ARID5B: variants seen among roughly 807,000 people sequenced by gnomAD.
ARID5B encodes the protein AT-rich interactive domain-containing protein 5B.
ARID5B carries 13 observed loss-of-function variants against 97.2 expected under a neutral mutation model. The observed-to-expected ratio is 0.13, with a 90% confidence interval of 0.09 to 0.21. The LOEUF is 0.21. Among genes scored for constraint, ARID5B ranks in the 10% least tolerant of loss-of-function variants. The probability of loss-of-function intolerance (pLI) is 1.00; values close to 1 mark genes in which losing one functional copy is unlikely to be tolerated. For synonymous variants in ARID5B, 556 were observed against 570.3 expected (o/e 0.97, Z 0.36); for missense variants, 1,210 against 1,465.3 (o/e 0.83, Z 2.84).
intron 4 of ARID5B, among the ~76,000 whole-genome samples, chr10:62,009,635 T>A (rs932098585): frequency 8.5e-5 from 13 of 152,216 alleles, no homozygotes; most frequent in Non-Finnish European, 1.5e-5. Context: ...GGCATGCTTT[T>A]CTGCTACAAA....
intron 8 of ARID5B, among the ~76,000 whole-genome samples, chr10:62,074,912 G>A (rs188260239): frequency 1.9e-4 from 29 of 152,350 alleles, no homozygotes; most frequent in African/African-American, 6.5e-4. Context: ...CATTATGTCT[G>A]TTGAAGCTAA....
intron 2 of ARID5B, among the ~76,000 whole-genome samples, chr10:61,909,209 C>T (rs997725938): frequency 2.0e-5 from 3 of 151,952 alleles, no homozygotes; most frequent in African/African-American, 2.4e-5. Context: ...TTTTCCTTTA[C>T]CTTGTCACCT....
At chr10:61,981,629 A>G (rs2132846179) in intron 3 of ARID5B, among the ~76,000 whole-genome samples, 1 of 152,148 alleles carries the variant, frequency 6.6e-6, no homozygotes, top group South Asian at 2.1e-4. Context: ...TAAATGTCAT[A>G]ATGACTGTGG....
At chr10:62,023,205 T>C (rs1839377950) in intron 4 of ARID5B, among the ~76,000 whole-genome samples, 1 of 152,232 alleles carries the variant, frequency 6.6e-6, no homozygotes. Flanking sequence ...GGTTAGCAAA[T>C]AGCTGAATGT....
chr10:61,985,013 C>G (rs372359773), intron 3 of ARID5B, among the ~76,000 whole-genome samples: 208 of 151,938 alleles, frequency 1.4e-3, no homozygotes, highest in South Asian at 2.3e-3. Context: ...TTAGGGCTGC[C>G]CAAAGGAGGA....
intron 4 of ARID5B, among the ~76,000 whole-genome samples, chr10:62,003,875 C>T (rs1266454548): frequency 2.0e-5 from 3 of 152,144 alleles, no homozygotes; most frequent in African/African-American, 4.8e-5. Flanking sequence ...ATGTTGTCCA[C>T]TGAATAACAA....
intron 2 of ARID5B, among the ~76,000 whole-genome samples, chr10:61,938,153 T>C (rs151218546): frequency 0.016 from 2,491 of 152,348 alleles, 26 homozygotes; most frequent in Non-Finnish European, 0.025. Flanking sequence ...AAGATGGGTT[T>C]ATTCATTAAT....
At chr10:62,062,783 A>G (rs1369998680) in intron 7 of ARID5B, among the ~76,000 whole-genome samples, 1 of 55,888 alleles carries the variant, frequency 1.8e-5, no homozygotes, top group Non-Finnish European at 4.0e-5. Context: ...TTTGTGCAAA[A>G]AAAAAAAAAA....
rs552893695 is a variant in ARID5B at position 62,073,968 on chromosome 10, T to A, written c.1199+4171T>A. Among the ~76,000 whole-genome samples the A allele has an allele frequency of 7.2e-5, 11 of 152,376 alleles. No homozygotes were observed. The South Asian group carries it at 2.3e-3, about 32-fold the overall frequency. On this transcript the variant is annotated intron_variant, in intron 8 of 9. Coordinates refer to ENST00000279873, the MANE Select transcript of ARID5B (RefSeq NM_032199.3). ...GTAAAGGAACAAAAAGGAAAACGAC[T>A]ACTTTTATGGAATTCTCTTAGCTTG...
chr10:61,997,960 G>A (rs985630314), intron 3 of ARID5B, among the ~76,000 whole-genome samples: 8 of 152,168 alleles, frequency 5.3e-5, no homozygotes, highest in African/African-American at 1.9e-4. Context: ...ACATATATCA[G>A]CATCTCAAAA....
At chr10:62,030,289 C>G (rs909707667) in intron 4 of ARID5B, among the ~76,000 whole-genome samples, 3 of 152,122 alleles carry the variant, frequency 2.0e-5, no homozygotes, top group East Asian at 3.9e-4. Flanking sequence ...GCTATCACGC[C>G]CAGCTAATTT....
At chr10:62,070,401 C>T (rs964104399) in intron 8 of ARID5B, among the ~76,000 whole-genome samples, 2 of 152,144 alleles carry the variant, frequency 1.3e-5, no homozygotes, top group Non-Finnish European at 2.9e-5. Flanking sequence ...GTGGATTTCC[C>T]GTTTGCATTA....
intron 3 of ARID5B, among the ~76,000 whole-genome samples, chr10:61,970,997 G>C (rs919353757): frequency 6.6e-5 from 10 of 151,134 alleles, no homozygotes; most frequent in Non-Finnish European, 1.5e-4. Flanking sequence ...GTGTGTATGT[G>C]TGTATAAAAC....
In ARID5B at chr10:62,092,247, C is replaced by T; in HGVS notation, c.2784C>T (p.Thr928=). 4.4e-6 allele frequency: 7 copies of T among 1,608,458 alleles called. No homozygotes were observed. Among genetic ancestry groups the T allele is most frequent in the Non-Finnish European group, 5.9e-6 (7 of 1,177,778 alleles). Residue 928 remains threonine, a synonymous_variant, in exon 10 of 10, where the codon ACC becomes ACT. Coordinates refer to ENST00000279873, the MANE Select transcript of ARID5B (RefSeq NM_032199.3). ...AGGTCCTGGGCCTGGCTCATTCCAC[C>T]ACAGGGCCCCAGGAGAGCAAAGGCA... ...TGKVLGLAHS[T]TGPQESKGIS...
chr10:61,925,720 C>G (rs577476679), intron 2 of ARID5B, among the ~76,000 whole-genome samples: 1 of 152,312 alleles, frequency 6.6e-6, no homozygotes, highest in Admixed American at 6.5e-5. Context: ...AGGACTTTCT[C>G]TGGAGATGGT....
At chr10:61,956,721 CTG>C (rs1838396189) in intron 3 of ARID5B, among the ~76,000 whole-genome samples, 1 of 152,176 alleles carries the variant, frequency 6.6e-6, no homozygotes, top group Non-Finnish European at 1.5e-5. Flanking sequence ...CACTCTCAAA[CTG>C]TAACTACATT....
chr10:61,999,806 C>T (rs918721832), intron 3 of ARID5B, among the ~76,000 whole-genome samples: 1 of 152,082 alleles, frequency 6.6e-6, no homozygotes, highest in African/African-American at 2.4e-5. Flanking sequence ...GTTTTTGGGT[C>T]CTACTGCTTG....
chr10:61,979,791 A>G (rs1196930467), intron 3 of ARID5B, among the ~76,000 whole-genome samples: 2 of 152,230 alleles, frequency 1.3e-5, no homozygotes, highest in Non-Finnish European at 2.9e-5. Context: ...TGACCTCTTC[A>G]GTCGAAAAAT....
intron 3 of ARID5B, among the ~76,000 whole-genome samples, chr10:61,989,450 CA>C (rs1259464209): frequency 1.3e-5 from 2 of 152,046 alleles, no homozygotes; most frequent in Non-Finnish European, 2.9e-5. Flanking sequence ...TGGACATCTA[CA>C]TTTTTAATCA....
Sources: allele counts gnomAD v4.1 joint callset (sites outside exome capture counted in the v4.1 genomes callset), GRCh38; gene constraint gnomAD v4.1.1; transcripts MANE v1.5; gene names NCBI Gene and HGNC (gene_info 2026-07-23, HGNC 2026-07-21).